CTNND2: variants seen among roughly 807,000 people sequenced by gnomAD.
CTNND2 encodes the protein catenin delta 2.
A neutral mutation model predicts 144.4 loss-of-function variants in CTNND2; 22 were observed. That is an observed-to-expected ratio of 0.15 (90% confidence interval 0.11 to 0.22). The LOEUF (loss-of-function observed/expected upper bound fraction) is 0.22, where lower values mean the gene tolerates loss of function less well. CTNND2 is among the 10% of genes least tolerant of loss of function. The probability of loss-of-function intolerance (pLI) is 1.00; values close to 1 mark genes in which losing one functional copy is unlikely to be tolerated. For synonymous variants in CTNND2, 751 were observed against 695.6 expected (o/e 1.08, Z -1.25); for missense variants, 1,353 against 1,618.8 (o/e 0.84, Z 2.82).
chr5:11,057,904 A>G (rs541068378), intron 16 of CTNND2, among the ~76,000 whole-genome samples: 1 of 152,196 alleles, frequency 6.6e-6, no homozygotes, highest in African/African-American at 2.4e-5. Flanking sequence ...GTTATATTTT[A>G]AAAAAGAGAC....
At chr5:11,841,711 G>C (rs1794482368) in intron 1 of CTNND2, among the ~76,000 whole-genome samples, 1 of 152,034 alleles carries the variant, frequency 6.6e-6, no homozygotes, top group Non-Finnish European at 1.5e-5. Flanking sequence ...CATAACCTCT[G>C]TATGTCCATG....
Position 11,271,386 on chromosome 5 carries a change from TTTGGGTAACAC to T in CTNND2, c.1629-34574_1629-34564del, listed in dbSNP as rs1443591457. Among the ~76,000 whole-genome samples, 97 of 152,334 alleles carry T rather than the reference TTTGGGTAACAC, an allele frequency of 6.4e-4. 1 individual carries two copies. Among genetic ancestry groups the T allele is most frequent in the African/African-American group, 2.1e-3 (88 of 41,588 alleles). ...ATATACAATATTAACAGTTTGGCAATTTGGGTAACACTTAGCTTTAAAAGCTAAAACTAAAC... is the reference window on the plus strand; with the variant it reads ...ATATACAATATTAACAGTTTGGCAATTTAGCTTTAAAAGCTAAAACTAAAC... On this transcript the variant is annotated intron_variant, in intron 9 of 21. Transcript: ENST00000304623.
At chr5:11,313,617 C>T (rs1309854764) in intron 9 of CTNND2, among the ~76,000 whole-genome samples, 3 of 151,796 alleles carry the variant, frequency 2.0e-5, no homozygotes, top group African/African-American at 7.3e-5. Context: ...TTAGTATGTT[C>T]TCACACTGCA....
chr5:11,584,698 TGCACCCACTTTTGCTCTG>T lies in CTNND2; in HGVS notation c.175-19660_175-19643del, dbSNP rs1561589554. On this transcript the variant is annotated intron_variant, in intron 2 of 21. Coordinates refer to ENST00000304623, the MANE Select transcript of CTNND2 (RefSeq NM_001332.4). The stretch of plus-strand genomic sequence containing the variant: ...TAATTTGATTCAAAAATAACAAAAA[TGCACCCACTTTTGCTCTG>T]TTTTCTAGGTAAGCTAGTATTAGAT... Among the ~76,000 whole-genome samples the T allele has an allele frequency of 2.0e-5, 3 of 152,148 alleles. No homozygotes were observed. In the East Asian group the frequency reaches 5.8e-4, roughly 29 times the overall value.
intron 3 of CTNND2, among the ~76,000 whole-genome samples, chr5:11,418,102 T>C (rs985482191): frequency 6.6e-6 from 1 of 151,984 alleles, no homozygotes; most frequent in Non-Finnish European, 1.5e-5. Context: ...GGGTAAGATA[T>C]CGGTTTGAAA....
chr5:11,758,511 C>T lies in CTNND2; in HGVS notation c.38-26239G>A, dbSNP rs554361281. ...TTTCCCCTTTCCCCATCCACTCAGGCCTTAGCATCTGGTAACCATCATATA... is the reference window on the plus strand; with the variant it reads ...TTTCCCCTTTCCCCATCCACTCAGGTCTTAGCATCTGGTAACCATCATATA... On this transcript the variant is annotated intron_variant, in intron 1 of 21. Coordinates refer to ENST00000304623, the MANE Select transcript of CTNND2 (RefSeq NM_001332.4). Among the ~76,000 whole-genome samples, 10 of 152,076 alleles carry T rather than the reference C, an allele frequency of 6.6e-5. No homozygotes were observed. In the East Asian group the frequency reaches 1.9e-3, roughly 29 times the overall value.
chr5:11,495,487 T>G (rs556793915), intron 3 of CTNND2, among the ~76,000 whole-genome samples: 1 of 152,288 alleles, frequency 6.6e-6, no homozygotes, highest in Non-Finnish European at 1.5e-5. Flanking sequence ...CACAGGCTAA[T>G]TCTAAAGGAC....
chr5:11,900,797 G>A (rs1737790212), intron 1 of CTNND2, among the ~76,000 whole-genome samples: 1 of 152,164 alleles, frequency 6.6e-6, no homozygotes, highest in Non-Finnish European at 1.5e-5. Flanking sequence ...TTCAGCTGAA[G>A]TACTGGACTT....
chr5:11,275,140 G>A (rs187448348), intron 9 of CTNND2, among the ~76,000 whole-genome samples: 1 of 152,282 alleles, frequency 6.6e-6, no homozygotes, highest in Non-Finnish European at 1.5e-5. Flanking sequence ...CATTACAAGC[G>A]ATTTATGTAT....
chr5:11,213,802 G>A (rs893046958), intron 10 of CTNND2, among the ~76,000 whole-genome samples: 9 of 148,586 alleles, frequency 6.1e-5, no homozygotes, highest in African/African-American at 7.5e-5. Flanking sequence ...CACGCATGCC[G>A]ATAATTTTAT....
intron 8 of CTNND2, among the ~76,000 whole-genome samples, chr5:11,353,820 T>C (rs1004265863): frequency 3.3e-5 from 5 of 151,454 alleles, no homozygotes; most frequent in Non-Finnish European, 7.4e-5. Context: ...AAAAAAAACA[T>C]TGTATTATCA....
intron 9 of CTNND2, among the ~76,000 whole-genome samples, chr5:11,344,346 C>T (rs1421131167): frequency 1.3e-4 from 19 of 151,468 alleles, no homozygotes; most frequent in African/African-American, 4.1e-4. Context: ...GAGCGGAGAT[C>T]GCGCCACAGC....
intron 9 of CTNND2, among the ~76,000 whole-genome samples, chr5:11,293,356 T>C (rs1464047693): frequency 6.6e-6 from 1 of 152,176 alleles, no homozygotes; most frequent in African/African-American, 2.4e-5. Context: ...TCTTTGGAAA[T>C]AGAAACTTGA....
chr5:11,603,353 C>T (rs1779896169), intron 2 of CTNND2, among the ~76,000 whole-genome samples: 1 of 152,158 alleles, frequency 6.6e-6, no homozygotes, highest in Non-Finnish European at 1.5e-5. Flanking sequence ...ATTAGTTTAT[C>T]CACATTATAA....
At chr5:11,502,877 T>C (rs959830221) in intron 3 of CTNND2, among the ~76,000 whole-genome samples, 2 of 152,202 alleles carry the variant, frequency 1.3e-5, no homozygotes, top group Admixed American at 6.5e-5. Context: ...AGGCCAAGTA[T>C]ACTTCACACT....
intron 9 of CTNND2, among the ~76,000 whole-genome samples, chr5:11,344,455 A>G (rs1404213414): frequency 6.6e-6 from 1 of 152,126 alleles, no homozygotes; most frequent in Non-Finnish European, 1.5e-5. Flanking sequence ...GAAAGGTATT[A>G]TATTACTACA....
intron 3 of CTNND2, among the ~76,000 whole-genome samples, chr5:11,433,901 G>A (rs892710461): frequency 1.3e-5 from 2 of 152,156 alleles, no homozygotes; most frequent in Non-Finnish European, 2.9e-5. Context: ...ACTACTTTGG[G>A]GAAAAGTCGG....
chr5:11,768,888 G>C (rs1228915578), intron 1 of CTNND2, among the ~76,000 whole-genome samples: 1 of 152,140 alleles, frequency 6.6e-6, no homozygotes, highest in Non-Finnish European at 1.5e-5. Flanking sequence ...ATTGCTGGGA[G>C]TTGTCTGGCC....
At chr5:11,000,542 G>A (rs746125932) in intron 18 of CTNND2, among the ~76,000 whole-genome samples, 6 of 152,170 alleles carry the variant, frequency 3.9e-5, no homozygotes, top group Non-Finnish European at 5.9e-5. Flanking sequence ...AAATGTGCAC[G>A]ACATTCAGTT....
Sources: gnomAD v4.1 joint callset for allele counts (sites outside exome capture counted in the v4.1 genomes callset) on GRCh38, gnomAD v4.1.1 for gene constraint, MANE v1.5 for transcripts, NCBI Gene and HGNC (gene_info 2026-07-23, HGNC 2026-07-21) for gene names.